Variants in LIN28A observed in about 807,000 individuals in gnomAD.
LIN28A encodes protein lin-28 homolog A.
In LIN28A, 11 loss-of-function variants were observed where a neutral mutation model predicts 21.1. The ratio of observed to expected loss-of-function variants is 0.52; its 90% CI spans 0.33 to 0.86. LIN28A has a LOEUF of 0.86. Among genes scored for constraint, LIN28A ranks in the 40% least tolerant of loss-of-function variants. The pLI is 0.03. For missense variants in LIN28A, 219 were observed against 279.8 expected (o/e 0.78, Z 1.55); for synonymous variants, 111 against 108.7 (o/e 1.02, Z -0.13).
In LIN28A at chr1:26,428,218, G is replaced by T. The variant is rs2075071372; in HGVS notation, c.*1760G>T. 1 of 152,668 alleles carries T rather than the reference G, an allele frequency of 6.6e-6. No homozygotes were observed. The highest frequency in any genetic ancestry group is 6.5e-5 in the Admixed American group (1 of 15,284). 9.5% of individuals were successfully genotyped at this position (152,668 alleles called of 1,614,324 possible). On this transcript the variant is annotated 3_prime_UTR_variant, in exon 4 of 4. Transcript: ENST00000326279. ...AATAGCCAAAGCATCTTTGACAGAA[G>T]GTTCTGCACCAGGCAAAAAGATCTG...
chr1:26,420,805 T>TA, intron 2 of LIN28A, among the ~76,000 whole-genome samples: 1 of 152,284 alleles, frequency 6.6e-6, no homozygotes, highest in Middle Eastern at 3.4e-3. Context: ...CTATGACGAC[T>TA]ACTCCTTGTT....
Position 26,410,863 on chromosome 1 carries a change from G to A in LIN28A, c.-29G>A, listed in dbSNP as rs763691769. On this transcript the variant is annotated 5_prime_UTR_variant, in exon 1 of 4. Transcript: ENST00000326279. The stretch of plus-strand genomic sequence containing the variant: ...GGGGCCAGCAGCCGCCCGACCAGGG[G>A]CCCGGGGCCACGGGCTCAGCCGACG... 9.0e-5 allele frequency: 145 copies of A among 1,612,172 alleles called. No individual in the cohort carries two copies. The highest frequency in any genetic ancestry group is 8.2e-5 in the Non-Finnish European group (97 of 1,179,314).
rs1321354011 is a variant in LIN28A at position 26,427,026 on chromosome 1, T to C, written c.*568T>C. On this transcript the variant is annotated 3_prime_UTR_variant, in exon 4 of 4. Coordinates refer to ENST00000326279, the MANE Select transcript of LIN28A (RefSeq NM_024674.6). ...GAACAGCTGCAGACCTGCTGCTCTA[T>C]GCTCACCCCCGCCCCATTCTGGGCC... 1 of 159,366 alleles carries C rather than the reference T, an allele frequency of 6.3e-6. No individual in the cohort carries two copies. Among genetic ancestry groups the C allele is most frequent in the Non-Finnish European group, 1.4e-5 (1 of 72,046 alleles). The allele number at this position is 159,366 out of a possible 1,614,324, so 9.9% of individuals were successfully genotyped here. A position where few individuals can be genotyped will look rare whatever the true frequency, so the allele number is the denominator to read the frequency against.
Position 26,426,692 on chromosome 1 carries a change from G to C in LIN28A, c.*234G>C. ...GGGTTCTGGGGGCAACCAGGAGGGG[G>C]GAATCACCCTACAACCTGCATACTT... is the stretch of plus-strand genomic sequence containing the variant. On this transcript the variant is annotated 3_prime_UTR_variant, in exon 4 of 4. Coordinates refer to ENST00000326279, the MANE Select transcript of LIN28A (RefSeq NM_024674.6). The C allele has an allele frequency of 2.0e-6, 1 of 507,846 alleles. No individual in the cohort carries two copies. Among genetic ancestry groups the C allele is most frequent in the Non-Finnish European group, 3.6e-6 (1 of 276,940 alleles). The allele number at this position is 507,846 out of a possible 1,614,324, so 31.5% of individuals were successfully genotyped here. A position where few individuals can be genotyped will look rare whatever the true frequency, so the allele number is the denominator to read the frequency against.
rs768561345 is a variant in LIN28A at position 26,411,516 on chromosome 1, C to T, written c.162C>T (p.Gly54=). ...GGTTCAACGTGCGCATGGGGTTCGG[C>T]TTCCTGTCCATGACCGCCCGCGCCG... is the stretch of plus-strand genomic sequence containing the variant. The part of the protein sequence containing the change: ...CKWFNVRMGF[G]FLSMTARAGV... The change falls in exon 2 of 4, where the codon GGC becomes GGT. Residue 54 remains glycine (G), a synonymous_variant. Transcript: ENST00000326279. This position sits in a 1 kb window ranked among gnomAD's most constrained non-coding sequence, Gnocchi z 5.4. 5 of 1,614,180 alleles carry T rather than the reference C, an allele frequency of 3.1e-6. No individual in the cohort carries two copies. Among genetic ancestry groups the T allele is most frequent in the East Asian group, 2.2e-5 (1 of 44,868 alleles).
intron 2 of LIN28A, among the ~76,000 whole-genome samples, chr1:26,414,433 G>C (rs997951672): frequency 1.9e-4 from 29 of 152,074 alleles, no homozygotes; most frequent in Non-Finnish European, 3.8e-4. Flanking sequence ...CAAAGTTGGG[G>C]TTATTAGGAT....
intron 3 of LIN28A, 149 bp downstream of exon 3, chr1:26,425,636 G>A: frequency 1.4e-6 from 1 of 699,616 alleles, no homozygotes; most frequent in Non-Finnish European, 2.4e-6. Flanking sequence ...ATAGGTGTGG[G>A]CAAGGGCAGT....
At chr1:26,413,432 AC>A (rs555851363) in intron 2 of LIN28A, among the ~76,000 whole-genome samples, 245 of 152,160 alleles carry the variant, frequency 1.6e-3, no homozygotes, top group African/African-American at 5.6e-3. Context: ...AGCAGGCTTC[AC>A]CTTAGGATCT....
At chr1:26,424,279 C>T (rs2075045239) in intron 2 of LIN28A, among the ~76,000 whole-genome samples, 1 of 152,062 alleles carries the variant, frequency 6.6e-6, no homozygotes, top group African/African-American at 2.4e-5. Context: ...GAGTCTTGCT[C>T]TGTCAACCAG....
chr1:26,425,808 G>A (rs1317807285), intron 3 of LIN28A, among the ~76,000 whole-genome samples: 3 of 152,238 alleles, frequency 2.0e-5, no homozygotes, highest in Non-Finnish European at 4.4e-5. Context: ...GGACAAGACA[G>A]TATTATCTAT....
At position 26,411,013 on chromosome 1, in the gene LIN28A, G is replaced by T; in HGVS notation, c.31+91G>T. On this transcript the variant is annotated intron_variant, in intron 1 of 3. Coordinates refer to ENST00000326279, the MANE Select transcript of LIN28A (RefSeq NM_024674.6). The surrounding 1 kb of genome is among the most constrained non-coding windows in gnomAD (Gnocchi z 5.4). ...GAGGTGGGGAACTGAGTCCTAGGCTGCCCAAAGGACCCCAAGACGGTGCGG... is the reference window on the plus strand; with the variant it reads ...GAGGTGGGGAACTGAGTCCTAGGCTTCCCAAAGGACCCCAAGACGGTGCGG... The T allele has an allele frequency of 6.7e-7, 1 of 1,490,618 alleles. No homozygotes were observed. The highest frequency in any genetic ancestry group is 1.8e-4 in the Middle Eastern group (1 of 5,626). 92.3% of individuals were successfully genotyped at this position (1,490,618 alleles called of 1,614,324 possible).
At chr1:26,419,378 G>A (rs1258132932) in intron 2 of LIN28A, among the ~76,000 whole-genome samples, 1 of 152,178 alleles carries the variant, frequency 6.6e-6, no homozygotes, top group African/African-American at 2.4e-5. Context: ...CTCCAGTGAT[G>A]CAGTGAGTGA....
intron 2 of LIN28A, among the ~76,000 whole-genome samples, chr1:26,417,175 C>T (rs1271924587): frequency 6.6e-6 from 1 of 152,166 alleles, no homozygotes; most frequent in Non-Finnish European, 1.5e-5. Context: ...TATAGGCGCC[C>T]TCGGGCTTAC....
chr1:26,423,264 C>T (rs926183111), intron 2 of LIN28A, among the ~76,000 whole-genome samples: 1 of 151,990 alleles, frequency 6.6e-6, no homozygotes, highest in African/African-American at 2.4e-5. Context: ...TGGTGTTGAA[C>T]TCCTGGATTC....
intron 2 of LIN28A, among the ~76,000 whole-genome samples, chr1:26,424,736 G>T (rs552087781): frequency 6.7e-6 from 1 of 149,260 alleles, no homozygotes; most frequent in Middle Eastern, 3.5e-3. Flanking sequence ...TTTTCTGTTT[G>T]TTGTTGTTTG....
At position 26,429,661 on chromosome 1, in the gene LIN28A, C is replaced by A. The variant is rs1202207515; in HGVS notation, c.*3203C>A. On this transcript the variant is annotated 3_prime_UTR_variant, in exon 4 of 4. Coordinates refer to ENST00000326279, the MANE Select transcript of LIN28A (RefSeq NM_024674.6). ...ATTTTTTAACACAAGCTGACTCTTC[C>A]CTTCCCTTCTCCTTTCCCTGGGAAA... 6.6e-6 allele frequency: 1 copy of A among 152,204 alleles called. No homozygotes were observed. Among genetic ancestry groups the A allele is most frequent in the Non-Finnish European group, 1.5e-5 (1 of 68,042 alleles). 9.4% of individuals were successfully genotyped at this position (152,204 alleles called of 1,614,324 possible).
intron 2 of LIN28A, among the ~76,000 whole-genome samples, chr1:26,418,128 T>C (rs932069264): frequency 1.3e-5 from 2 of 152,060 alleles, no homozygotes; most frequent in Admixed American, 6.6e-5. Flanking sequence ...AAATTGAAGC[T>C]GGGATGAGGT....
Position 26,423,080 on chromosome 1 carries a change from GTC to G in LIN28A, c.229-2220_229-2219del, listed in dbSNP as rs2075036439. ...GGATTACAGGGGTGAGCCAGACAGA[GTC>G]TCGCTCCATCACCCAGGCTGGAGTA... On this transcript the variant is annotated intron_variant, in intron 2 of 3. Coordinates refer to ENST00000326279, the MANE Select transcript of LIN28A (RefSeq NM_024674.6). 2.6e-5 allele frequency among the ~76,000 whole-genome samples: 4 copies of G among 151,946 alleles called. No individual in the cohort carries two copies. In the South Asian group the frequency reaches 6.2e-4, roughly 24 times the overall value.
At chr1:26,421,922 T>C (rs937758709) in intron 2 of LIN28A, among the ~76,000 whole-genome samples, 5 of 151,668 alleles carry the variant, frequency 3.3e-5, no homozygotes, top group African/African-American at 1.2e-4. Flanking sequence ...TACAGATAGT[T>C]TTTTTTTTGA....
Sources: allele counts gnomAD v4.1 joint callset (sites outside exome capture counted in the v4.1 genomes callset), GRCh38; gene constraint gnomAD v4.1.1; non-coding constraint Gnocchi (gnomAD v3.1); transcripts MANE v1.5; gene names NCBI Gene and HGNC (gene_info 2026-07-23, HGNC 2026-07-21).